HDAC9: variants seen among roughly 807,000 people sequenced by gnomAD.
HDAC9 encodes histone deacetylase 9, also known as MEF-2 interacting transcription repressor (MITR) protein.
In HDAC9, 41 loss-of-function variants were observed where a neutral mutation model predicts 139.4. The ratio of observed to expected loss-of-function variants is 0.29; its 90% CI spans 0.23 to 0.38. The LOEUF is 0.38. Ranked by LOEUF, HDAC9 falls within the 10% of genes least tolerant of loss-of-function variation. HDAC9 has a pLI of 1.00. For missense variants in HDAC9, 1,147 were observed against 1,297.0 expected (o/e 0.88, Z 1.78); for synonymous variants, 517 against 476.2 (o/e 1.09, Z -1.12).
intron 1 of HDAC9, among the ~76,000 whole-genome samples, chr7:18,105,743 G>T (rs186267933): frequency 1.3e-5 from 2 of 151,884 alleles, no homozygotes; most frequent in Admixed American, 1.3e-4. Flanking sequence ...ACACCCAAAA[G>T]AATTGAAAAC....
intron 1 of HDAC9, among the ~76,000 whole-genome samples, chr7:18,303,425 T>TGTGTGTGTGTGTG (rs1554364291): frequency 6.2e-4 from 43 of 69,190 alleles, no homozygotes; most frequent in Admixed American, 3.0e-4. Flanking sequence ...GTGTGTGTGT[T>TGTGTGTGTGTGTG]TTTAGTAGAG....
chr7:18,261,129 C>T (rs1795649912), intron 2 of HDAC9, among the ~76,000 whole-genome samples: 1 of 145,088 alleles, frequency 6.9e-6, no homozygotes, highest in African/African-American at 2.5e-5. Context: ...ATAACGAAAC[C>T]ATGTCTTTAC....
chr7:18,767,992 A>T lies in HDAC9; in HGVS notation c.2214+837A>T, dbSNP rs1223511440. On this transcript the variant is annotated intron_variant, in intron 16 of 25. Coordinates refer to ENST00000686413, the MANE Select transcript of HDAC9 (RefSeq NM_178425.4). ...TGAGAACTAAATTTGATGCAAAGAA[A>T]TCTTGAATATTTTTAGTTTATTCTA... Among the ~76,000 whole-genome samples, 3 of 152,198 alleles carry T rather than the reference A, an allele frequency of 2.0e-5. No homozygotes were observed. The East Asian group carries it at 5.8e-4, about 29-fold the overall frequency.
chr7:18,468,652 A>G (rs952149374), intron 1 of HDAC9, among the ~76,000 whole-genome samples: 2 of 152,192 alleles, frequency 1.3e-5, no homozygotes, highest in South Asian at 2.1e-4. Flanking sequence ...TGTAAACTAC[A>G]TGAGTATGGG....
intron 6 of HDAC9, among the ~76,000 whole-genome samples, chr7:18,599,811 A>G (rs1583911639): frequency 6.6e-6 from 1 of 152,166 alleles, no homozygotes; most frequent in South Asian, 2.1e-4. Flanking sequence ...CTAGGAGTAC[A>G]TTAACTGGAT....
intron 16 of HDAC9, among the ~76,000 whole-genome samples, chr7:18,790,506 T>A (rs1007160767): frequency 1.3e-5 from 2 of 152,108 alleles, no homozygotes; most frequent in Non-Finnish European, 2.9e-5. Flanking sequence ...CTTCAAAGCC[T>A]CCAGAATTGT....
At chr7:18,341,583 T>C (rs1782015864) in intron 1 of HDAC9, among the ~76,000 whole-genome samples, 1 of 151,750 alleles carries the variant, frequency 6.6e-6, no homozygotes, top group Non-Finnish European at 1.5e-5. Flanking sequence ...CTAGAACTTC[T>C]ATTTTGTTCT....
chr7:18,828,637 C>G (rs999716176), intron 17 of HDAC9, among the ~76,000 whole-genome samples: 1 of 152,078 alleles, frequency 6.6e-6, no homozygotes, highest in African/African-American at 2.4e-5. Context: ...CTCTTTTTCA[C>G]CTTTCTGGGA....
Position 18,345,890 on chromosome 7 carries a change from G to A in HDAC9, c.-42+55375G>A, listed in dbSNP as rs569587565. Among the ~76,000 whole-genome samples the A allele has an allele frequency of 3.0e-4, 45 of 151,892 alleles. No individual in the cohort carries two copies. The South Asian group carries it at 7.3e-3, about 25-fold the overall frequency. ...GCATTAGAGTTGACTCTTTTCCAAC[G>A]ACTCCTGTTTCTGTCTGTTTCTCTT... On this transcript the variant is annotated intron_variant, in intron 1 of 3. Transcript: ENST00000413509.
At chr7:18,127,519 T>C (rs1160222518) in intron 1 of HDAC9, among the ~76,000 whole-genome samples, 2 of 152,124 alleles carry the variant, frequency 1.3e-5, no homozygotes, top group Admixed American at 6.6e-5. Context: ...GTTTACCTGC[T>C]CAGGTAAACT....
intron 12 of HDAC9, among the ~76,000 whole-genome samples, chr7:18,719,696 A>G (rs768849669): frequency 4.6e-5 from 7 of 151,784 alleles, no homozygotes; most frequent in Non-Finnish European, 7.4e-5. Flanking sequence ...CTTATACGCA[A>G]AAAAAGTACT....
chr7:18,370,605 T>C (rs1784522510), intron 1 of HDAC9, among the ~76,000 whole-genome samples: 1 of 152,208 alleles, frequency 6.6e-6, no homozygotes, highest in East Asian at 1.9e-4. Flanking sequence ...TGTGAGGCAA[T>C]TGGATCATTG....
At chr7:18,321,506 T>C (rs187965587) in intron 1 of HDAC9, among the ~76,000 whole-genome samples, 85 of 152,306 alleles carry the variant, frequency 5.6e-4, no homozygotes, top group Non-Finnish European at 1.0e-3. Context: ...CACAGAATCA[T>C]TTTATATGCT....
chr7:18,727,848 T>C (rs2129129163), intron 13 of HDAC9, 91 bp downstream of exon 13: 2 of 1,018,534 alleles, frequency 2.0e-6, no homozygotes, highest in South Asian at 2.2e-5. Flanking sequence ...ATAACTCCAA[T>C]AGCAGAACAC....
chr7:18,496,163 C>T, intron 1 of HDAC9, 99 bp from the exon 2 acceptor site: 2 of 1,433,402 alleles, frequency 1.4e-6, no homozygotes, highest in Non-Finnish European at 1.9e-6. Flanking sequence ...CTCCTGGGGC[C>T]GGTGCACTGA....
chr7:18,411,817 C>CTTTTTTTT (rs71014326), intron 1 of HDAC9, among the ~76,000 whole-genome samples: 12 of 88,946 alleles, frequency 1.3e-4, no homozygotes, highest in East Asian at 4.0e-4. Context: ...TTTCAACTTG[C>CTTTTTTTT]TTTTTTTTTT....
intron 1 of HDAC9, among the ~76,000 whole-genome samples, chr7:18,118,045 C>T (rs1022014273): frequency 1.3e-5 from 2 of 152,200 alleles, no homozygotes; most frequent in African/African-American, 2.4e-5. Context: ...TGATGAGGAT[C>T]TTAAACTCCT....
chr7:18,851,893 C>T (rs1562989305), intron 21 of HDAC9, among the ~76,000 whole-genome samples: 1 of 152,158 alleles, frequency 6.6e-6, no homozygotes, highest in South Asian at 2.1e-4. Context: ...ATTAGACTTT[C>T]TTCATTTGTA....
chr7:18,310,918 T>C (rs1487775318), intron 1 of HDAC9, among the ~76,000 whole-genome samples: 1 of 152,052 alleles, frequency 6.6e-6, no homozygotes, highest in Non-Finnish European at 1.5e-5. Flanking sequence ...AAATCTACTC[T>C]ATTATCTCTT....
Sources: allele counts gnomAD v4.1 joint callset (sites outside exome capture counted in the v4.1 genomes callset), GRCh38; gene constraint gnomAD v4.1.1; transcripts MANE v1.5; gene names NCBI Gene and HGNC (gene_info 2026-07-23, HGNC 2026-07-21).